Variants in FSTL5 observed in about 807,000 individuals in gnomAD.
FSTL5 encodes the protein follistatin like 5.
FSTL5 carries 62 observed loss-of-function variants against 89.1 expected under a neutral mutation model. The ratio of observed to expected loss-of-function variants is 0.70; its 90% CI spans 0.57 to 0.86. The LOEUF (loss-of-function observed/expected upper bound fraction) is 0.86. FSTL5 is among the 40% of genes least tolerant of loss of function. The probability of loss-of-function intolerance (pLI) is 0.00; values close to 1 mark genes in which losing one functional copy is unlikely to be tolerated. For missense variants in FSTL5, 1,057 were observed against 1,001.6 expected, an observed-to-expected ratio of 1.06 and a Z score of -0.75; for synonymous variants, 383 against 346.2, an observed-to-expected ratio of 1.11 and a Z score of -1.18.
intron 1 of FSTL5, among the ~76,000 whole-genome samples, chr4:162,133,918 C>T (rs757253846): frequency 8.5e-5 from 13 of 152,144 alleles, no homozygotes; most frequent in African/African-American, 1.4e-4. Context: ...GATTCTCTGA[C>T]GACCTTGCCT....
chr4:161,445,150 A>T (rs1459046221), intron 15 of FSTL5, among the ~76,000 whole-genome samples: 1 of 152,036 alleles, frequency 6.6e-6, no homozygotes, highest in African/African-American at 2.4e-5. Context: ...AAGTAAGGAA[A>T]TTATAGAGAA....
intron 15 of FSTL5, among the ~76,000 whole-genome samples, chr4:161,411,280 C>T (rs1343689815): frequency 1.3e-5 from 2 of 151,974 alleles, no homozygotes; most frequent in Non-Finnish European, 1.5e-5. Context: ...GATACTAATC[C>T]TACTAAAAGT....
chr4:161,883,271 T>C (rs1005419503), intron 4 of FSTL5, among the ~76,000 whole-genome samples: 1 of 152,192 alleles, frequency 6.6e-6, no homozygotes, highest in Non-Finnish European at 1.5e-5. Flanking sequence ...TGTTTTGATC[T>C]GAACAGAGTG....
intron 10 of FSTL5, among the ~76,000 whole-genome samples, chr4:161,536,931 G>A (rs1731639934): frequency 6.6e-6 from 1 of 152,170 alleles, no homozygotes; most frequent in Non-Finnish European, 1.5e-5. Context: ...TTACAAGTTA[G>A]TATTGGCTGT....
chr4:162,088,635 AGAAG>A (rs1345832516), intron 2 of FSTL5, among the ~76,000 whole-genome samples: 1 of 152,132 alleles, frequency 6.6e-6, no homozygotes, highest in Non-Finnish European at 1.5e-5. Flanking sequence ...TACTTAAGAG[AGAAG>A]GAAGAATTAT....
chr4:162,042,951 T>TG (rs1361052838), intron 2 of FSTL5, among the ~76,000 whole-genome samples: 1 of 64,440 alleles, frequency 1.6e-5, no homozygotes, highest in African/African-American at 6.5e-5. Flanking sequence ...TGTTGTGGGG[T>TG]GGGGGGAGGG....
intron 15 of FSTL5, among the ~76,000 whole-genome samples, chr4:161,437,570 A>AAAAAAAAAAAAAAAAAAAAAAAAAAAAC (rs1732611186): frequency 8.8e-6 from 1 of 113,018 alleles, no homozygotes; most frequent in African/African-American, 2.8e-5. Flanking sequence ...CGTCTCAAAA[A>AAAAAAAAAAAAAAAAAAAAAAAAAAAAC]AAAAAAAAAA....
At chr4:161,562,003 G>T (rs560526216) in intron 8 of FSTL5, among the ~76,000 whole-genome samples, 2 of 151,948 alleles carry the variant, frequency 1.3e-5, no homozygotes, top group African/African-American at 2.4e-5. Context: ...ATCTGGTTCT[G>T]TCCAATGAGA....
At position 161,965,647 on chromosome 4, in the gene FSTL5, T is replaced by A. The variant is rs139446033; in HGVS notation, c.161-44995A>T. Among the ~76,000 whole-genome samples, 1,457 of 152,184 alleles carry A rather than the reference T, an allele frequency of 9.6e-3. 28 individuals carry two copies. The highest frequency in any genetic ancestry group is 0.032 in the African/African-American group (1,321 of 41,544). On this transcript the variant is annotated intron_variant, in intron 3 of 15. Transcript: ENST00000306100. ...ATCATATTTTGGTTTATTTTCTTCC[T>A]GTTATCCTTAGACAGGATATTTAAA...
rs939709603 is a variant in FSTL5 at position 162,072,893 on chromosome 4, A to G, written c.126+38378T>C. ...AACACTAAATCCTCAGTAGAACAAA[A>G]AAGGCTGATCTTCCCCTGAGTGAGA... is the stretch of plus-strand genomic sequence containing the variant. On this transcript the variant is annotated intron_variant, in intron 2 of 15. Coordinates refer to ENST00000306100, the MANE Select transcript of FSTL5 (RefSeq NM_020116.5). 4.6e-5 allele frequency among the ~76,000 whole-genome samples: 7 copies of G among 151,858 alleles called. No individual in the cohort carries two copies. The East Asian group carries it at 1.2e-3, about 25-fold the overall frequency.
At chr4:161,975,041 A>C (rs1170931252) in intron 3 of FSTL5, among the ~76,000 whole-genome samples, 6 of 134,468 alleles carry the variant, frequency 4.5e-5, no homozygotes, top group African/African-American at 1.8e-4. Context: ...TGCAAATCAA[A>C]ACCACAATGA....
chr4:161,781,554 T>C (rs1404957232), intron 4 of FSTL5, among the ~76,000 whole-genome samples: 1 of 152,168 alleles, frequency 6.6e-6, no homozygotes, highest in Non-Finnish European at 1.5e-5. Context: ...AGAGCCGTGA[T>C]TATTGTAAAT....
chr4:161,958,670 A>G (rs1043920052), intron 3 of FSTL5, among the ~76,000 whole-genome samples: 6 of 152,094 alleles, frequency 3.9e-5, no homozygotes, highest in African/African-American at 7.2e-5. Flanking sequence ...TCCTAACCCT[A>G]TGTGAGCTCC....
chr4:161,613,867 A>G (rs10517747), intron 7 of FSTL5, among the ~76,000 whole-genome samples: 1 of 152,150 alleles, frequency 6.6e-6, no homozygotes, highest in African/African-American at 2.4e-5. Flanking sequence ...TCTGCTAAAC[A>G]CTTTGAAACA....
rs370089550 is a variant in FSTL5 at position 161,385,738 on chromosome 4, G to A, written c.*9C>T. ...AAACGCTTCATTCAATAATTGTATC[G>A]TAGGGTTTTTAGGCATCTCCAACCC... On this transcript the variant is annotated 3_prime_UTR_variant, in exon 16 of 16. Coordinates refer to ENST00000306100, the MANE Select transcript of FSTL5 (RefSeq NM_020116.5). 1.7e-5 allele frequency: 26 copies of A among 1,524,660 alleles called. No individual in the cohort carries two copies. In the African/African-American group the frequency reaches 1.8e-4, roughly 11 times the overall value. The allele number at this position is 1,524,660 out of a possible 1,614,324, so 94.4% of individuals were successfully genotyped here.
chr4:161,684,858 T>C (rs573132499), intron 6 of FSTL5, among the ~76,000 whole-genome samples: 1 of 152,272 alleles, frequency 6.6e-6, no homozygotes, highest in East Asian at 1.9e-4. Context: ...GTTTTTCCAA[T>C]GTTATCTTGT....
At chr4:161,611,735 T>A (rs1734661155) in intron 7 of FSTL5, among the ~76,000 whole-genome samples, 1 of 152,110 alleles carries the variant, frequency 6.6e-6, no homozygotes, top group Non-Finnish European at 1.5e-5. Flanking sequence ...TTACCTTAGA[T>A]GCAATGGTGA....
intron 4 of FSTL5, among the ~76,000 whole-genome samples, chr4:161,836,771 A>T (rs1731057251): frequency 6.6e-6 from 1 of 152,108 alleles, no homozygotes; most frequent in Non-Finnish European, 1.5e-5. Flanking sequence ...AATATTAAAA[A>T]TAGAGCAAAA....
At chr4:161,805,438 T>C (rs1236085341) in intron 4 of FSTL5, among the ~76,000 whole-genome samples, 1 of 152,078 alleles carries the variant, frequency 6.6e-6, no homozygotes, top group East Asian at 1.9e-4. Flanking sequence ...GAGAATGGTA[T>C]GGTAATAGAT....
Sources: gnomAD v4.1 joint callset for allele counts (sites outside exome capture counted in the v4.1 genomes callset) on GRCh38, gnomAD v4.1.1 for gene constraint, MANE v1.5 for transcripts, NCBI Gene and HGNC (gene_info 2026-07-23, HGNC 2026-07-21) for gene names.